The following SETBP1 variants were observed in gnomAD, a reference collection of about 807,000 sequenced individuals.
The protein encoded by SETBP1 is SET binding protein 1.
SETBP1 carries 9 observed loss-of-function variants against 101.0 expected under a neutral mutation model. The ratio of observed to expected loss-of-function variants is 0.09; its 90% confidence interval spans 0.05 to 0.16. The LOEUF is 0.16. Among genes scored for constraint, SETBP1 ranks in the 10% least tolerant of loss-of-function variants. The pLI is 1.00. For synonymous variants in SETBP1, 818 were observed against 788.5 expected (o/e 1.04, Z -0.63); for missense variants, 1,858 against 2,033.8 (o/e 0.91, Z 1.66).
intron 3 of SETBP1, among the ~76,000 whole-genome samples, chr18:44,922,436 T>C (rs556033936): frequency 6.6e-6 from 1 of 152,318 alleles, no homozygotes; most frequent in Admixed American, 6.5e-5. Flanking sequence ...TTCACTGAGG[T>C]TCTAGGAAGG....
intron 1 of SETBP1, among the ~76,000 whole-genome samples, chr18:44,684,507 C>T (rs2068805812): frequency 1.3e-5 from 2 of 151,492 alleles, no homozygotes; most frequent in South Asian, 4.2e-4. Flanking sequence ...TTGTAGATCA[C>T]TGAGTTGAAG....
At chr18:44,734,684 C>T (rs1343891487) in intron 2 of SETBP1, among the ~76,000 whole-genome samples, 1 of 152,158 alleles carries the variant, frequency 6.6e-6, no homozygotes, top group African/African-American at 2.4e-5. Flanking sequence ...CTGGTGTCCT[C>T]AGCTCATGCC....
intron 4 of SETBP1, among the ~76,000 whole-genome samples, chr18:44,982,023 T>C (rs2072124822): frequency 6.6e-6 from 1 of 152,044 alleles, no homozygotes; most frequent in African/African-American, 2.4e-5. Context: ...GTAGGAAGCA[T>C]AAAAAAACAC....
chr18:44,776,535 A>C (rs554432223), intron 2 of SETBP1, among the ~76,000 whole-genome samples: 3 of 152,196 alleles, frequency 2.0e-5, no homozygotes, highest in Non-Finnish European at 2.9e-5. Context: ...TAAATATTTA[A>C]GCTCCTGGGC....
At position 44,772,597 on chromosome 18, in the gene SETBP1, A is replaced by G. The variant is rs556691732; in HGVS notation, c.486+70765A>G. 2.4e-4 allele frequency among the ~76,000 whole-genome samples: 37 copies of G among 152,286 alleles called. No homozygotes were observed. In the South Asian group the frequency reaches 7.0e-3, roughly 29 times the overall value. On this transcript the variant is annotated intron_variant, in intron 2 of 5. Transcript: ENST00000649279. ...GAAAATTCCACTCTTCAGCAGAGTGATGCGTCTGTTCTTGGTCATCCTCCC... is the reference window on the plus strand; with the variant it reads ...GAAAATTCCACTCTTCAGCAGAGTGGTGCGTCTGTTCTTGGTCATCCTCCC...
At chr18:44,741,207 C>G (rs2070089523) in intron 2 of SETBP1, among the ~76,000 whole-genome samples, 1 of 152,190 alleles carries the variant, frequency 6.6e-6, no homozygotes, top group Non-Finnish European at 1.5e-5. Flanking sequence ...AGACCCAGTG[C>G]CTGCCTGTAA....
At chr18:44,765,347 C>A (rs1429877041) in intron 2 of SETBP1, among the ~76,000 whole-genome samples, 1 of 151,986 alleles carries the variant, frequency 6.6e-6, no homozygotes, top group Non-Finnish European at 1.5e-5. Flanking sequence ...CTCTTTGGAA[C>A]AAGATAGCGA....
intron 2 of SETBP1, among the ~76,000 whole-genome samples, chr18:44,817,578 G>C (rs1210041853): frequency 6.6e-6 from 1 of 151,794 alleles, no homozygotes; most frequent in Non-Finnish European, 1.5e-5. Context: ...CCAGCTAATC[G>C]GGAGACTGAG....
At chr18:44,828,276 G>A (rs1300031411) in intron 2 of SETBP1, among the ~76,000 whole-genome samples, 2 of 152,138 alleles carry the variant, frequency 1.3e-5, no homozygotes, top group African/African-American at 2.4e-5. Context: ...TTGAAATGCG[G>A]TGAAACAGGT....
chr18:44,949,382 C>T (rs548478783), intron 3 of SETBP1, among the ~76,000 whole-genome samples: 2 of 152,294 alleles, frequency 1.3e-5, no homozygotes, highest in South Asian at 4.1e-4. Context: ...GACATACATT[C>T]GAAGAGAAGC....
At chr18:45,052,066 G>A (rs2073731165) in intron 5 of SETBP1, among the ~76,000 whole-genome samples, 1 of 152,240 alleles carries the variant, frequency 6.6e-6, no homozygotes, top group South Asian at 2.1e-4. Context: ...TGCTCACTAG[G>A]GGGAAGGCAC....
intron 2 of SETBP1, among the ~76,000 whole-genome samples, chr18:44,859,925 G>T (rs1281514605): frequency 6.6e-6 from 1 of 152,166 alleles, no homozygotes. Flanking sequence ...TTTGGCCGAG[G>T]GACCCAGATT....
chr18:45,063,581 GGCCCCCGCTCAGCCCCCACAGCAGTC>G lies in SETBP1; in HGVS notation c.4683_4708del (p.Gln1562AlafsTer21). The stretch of plus-strand genomic sequence containing the variant: ...GCGGAAAGAGGAAACACAAACCGCA[GGCCCCCGCTCAGCCCCCACAGCAGTC>G]GCCCCCGCAGCAGCCCCTTCCCCAG... On this transcript the variant is annotated frameshift_variant, in exon 6 of 6. Transcript: ENST00000649279. LOFTEE classifies it high-confidence loss of function. 6.6e-7 allele frequency: 1 copy of G among 1,522,342 alleles called. No individual in the cohort carries two copies. Among genetic ancestry groups the G allele is most frequent in the Non-Finnish European group, 8.8e-7 (1 of 1,130,442 alleles). 94.3% of individuals were successfully genotyped at this position (1,522,342 alleles called of 1,614,324 possible). A position where few individuals can be genotyped will look rare whatever the true frequency, so the allele number is the denominator to read the frequency against.
At chr18:44,949,460 C>G (rs1294662403) in intron 3 of SETBP1, among the ~76,000 whole-genome samples, 1 of 152,242 alleles carries the variant, frequency 6.6e-6, no homozygotes, top group African/African-American at 2.4e-5. Context: ...TTCAGATTCT[C>G]TCCTGGGATT....
chr18:44,758,689 T>A (rs2070563890), intron 2 of SETBP1, among the ~76,000 whole-genome samples: 1 of 152,218 alleles, frequency 6.6e-6, no homozygotes, highest in South Asian at 2.1e-4. Context: ...GCCTGAAAGA[T>A]TTTTAAAAAG....
At chr18:45,000,780 C>T (rs1235450957) in intron 4 of SETBP1, among the ~76,000 whole-genome samples, 5 of 130,786 alleles carry the variant, frequency 3.8e-5, no homozygotes, top group Non-Finnish European at 4.7e-5. Flanking sequence ...CATACATCAA[C>T]GGGAATGCAC....
chr18:44,842,559 G>A (rs902338613), intron 2 of SETBP1, among the ~76,000 whole-genome samples: 23 of 152,170 alleles, frequency 1.5e-4, no homozygotes, highest in African/African-American at 4.8e-4. Flanking sequence ...ATCCCACAGT[G>A]CCCCACAGGG....
chr18:45,039,006 C>T (rs1392828854), intron 5 of SETBP1, among the ~76,000 whole-genome samples: 1 of 152,136 alleles, frequency 6.6e-6, no homozygotes, highest in Non-Finnish European at 1.5e-5. Flanking sequence ...TCTTGTAACT[C>T]ATAAAATAAG....
chr18:44,730,962 G>A (rs1161476841), intron 2 of SETBP1, among the ~76,000 whole-genome samples: 1 of 152,218 alleles, frequency 6.6e-6, no homozygotes, highest in African/African-American at 2.4e-5. Flanking sequence ...CAGTTGGAGT[G>A]GCTGTGATAG....
Sources: allele counts gnomAD v4.1 joint callset (sites outside exome capture counted in the v4.1 genomes callset), GRCh38; gene constraint gnomAD v4.1.1; transcripts MANE v1.5; gene names NCBI Gene and HGNC (gene_info 2026-07-23, HGNC 2026-07-21).